SLTM: variants seen among roughly 807,000 people sequenced by gnomAD.
The protein encoded by SLTM is SAFB like transcription modulator, also known as SAFB-like transcription modulator.
In SLTM, 43 loss-of-function variants were observed where a neutral mutation model predicts 134.6. The ratio of observed to expected loss-of-function variants is 0.32; its 90% CI spans 0.25 to 0.41. The LOEUF (loss-of-function observed/expected upper bound fraction) is 0.41. Ranked by LOEUF, SLTM falls within the 10% of genes least tolerant of loss-of-function variation. The pLI is 1.00. For synonymous variants in SLTM, 424 were observed against 432.3 expected (o/e 0.98, Z 0.24); for missense variants, 1,055 against 1,288.8 (o/e 0.82, Z 2.78).
chr15:58,891,807 G>A (rs1378222211), intron 14 of SLTM, among the ~76,000 whole-genome samples: 3 of 151,794 alleles, frequency 2.0e-5, no homozygotes, highest in Non-Finnish European at 4.4e-5. Context: ...TGTTAGTATA[G>A]CTTAAGTATG....
chr15:58,915,694 G>C (rs545391537), intron 3 of SLTM, among the ~76,000 whole-genome samples: 1 of 152,114 alleles, frequency 6.6e-6, no homozygotes, highest in East Asian at 1.9e-4. Context: ...ACATCTTTTG[G>C]GGGTGGGGTT....
rs558564519 is a variant in SLTM, at chr15:58,933,299, A to G, written c.162+105T>C. On this transcript the variant is annotated intron_variant, in intron 1 of 20. Transcript: ENST00000380516. ...TGGCCTCCCTACCATGCCGTTCCGC[A>G]GGTCCCAGCGGCTGCGGGCAGCCGG... The G allele has an allele frequency of 2.3e-6, 3 of 1,288,266 alleles. No homozygotes were observed. In the African/African-American group the frequency reaches 4.7e-5, roughly 20 times the overall value. The allele number at this position is 1,288,266 out of a possible 1,614,324, so 79.8% of individuals were successfully genotyped here. A position where few individuals can be genotyped will look rare whatever the true frequency, so the allele number is the denominator to read the frequency against.
At chr15:58,893,728 T>C in intron 12 of SLTM, 93 bp downstream of exon 12, 1 of 1,354,898 alleles carries the variant, frequency 7.4e-7, no homozygotes, top group South Asian at 1.5e-5. Context: ...CAACAAAGCT[T>C]ATATCTGGAT....
chr15:58,898,076 C>A (rs1389521261), intron 8 of SLTM: 1 of 152,084 alleles, frequency 6.6e-6, no homozygotes, highest in Non-Finnish European at 1.5e-5. Flanking sequence ...ATTTCACATT[C>A]TTTTAAGCAA....
chr15:58,888,152 C>G (rs1305048811), intron 17 of SLTM, among the ~76,000 whole-genome samples: 2 of 151,580 alleles, frequency 1.3e-5, no homozygotes, highest in African/African-American at 4.9e-5. Context: ...GACCCTGTCT[C>G]AAAAAAAATT....
At chr15:58,911,989 A>T (rs190846980) in intron 5 of SLTM, among the ~76,000 whole-genome samples, 174 of 152,328 alleles carry the variant, frequency 1.1e-3, no homozygotes, top group Non-Finnish European at 2.0e-3. Context: ...ACTAGTAACC[A>T]GAGTTAGGTT....
chr15:58,889,074 C>T (rs1418828616), intron 16 of SLTM: 3 of 210,900 alleles, frequency 1.4e-5, no homozygotes, highest in Non-Finnish European at 2.9e-5. Flanking sequence ...TGAATCCAAA[C>T]ACACAATAGA....
At chr15:58,929,130 C>G (rs1028868857) in intron 2 of SLTM, among the ~76,000 whole-genome samples, 1 of 152,130 alleles carries the variant, frequency 6.6e-6, no homozygotes, top group Admixed American at 6.5e-5. Flanking sequence ...AAAACAAGAT[C>G]TGGCAAAAAG....
chr15:58,903,146 C>T (rs1032168186), intron 5 of SLTM, among the ~76,000 whole-genome samples: 3 of 151,720 alleles, frequency 2.0e-5, no homozygotes, highest in Middle Eastern at 3.4e-3. Flanking sequence ...GTGATCCACC[C>T]GCCTCAGCCT....
In SLTM at chr15:58,899,315, T is replaced by G. The variant is rs1449456812; in HGVS notation, c.1058+154A>C. On this transcript the variant is annotated intron_variant, in intron 7 of 20. Coordinates refer to ENST00000380516, the MANE Select transcript of SLTM (RefSeq NM_024755.4). The surrounding 1 kb of genome is among the most constrained non-coding windows in gnomAD (Gnocchi z 5.0). The stretch of plus-strand genomic sequence containing the variant: ...GCATTATTATGAAGATCTTGAAAAT[T>G]TTTAAAAGTAACTTATGACGGTCAA... 6.2e-6 allele frequency: 4 copies of G among 641,542 alleles called. No homozygotes were observed. The African/African-American group carries it at 7.3e-5, about 12-fold the overall frequency. The allele number at this position is 641,542 out of a possible 1,614,324, so 39.7% of individuals were successfully genotyped here.
intron 3 of SLTM, among the ~76,000 whole-genome samples, chr15:58,914,156 A>C (rs142510421): frequency 6.6e-6 from 1 of 152,236 alleles, no homozygotes. Context: ...CAAATAACTA[A>C]TTGAAATGTA....
intron 5 of SLTM, among the ~76,000 whole-genome samples, chr15:58,910,804 G>A (rs1482482676): frequency 6.7e-6 from 1 of 149,026 alleles, no homozygotes; most frequent in Non-Finnish European, 1.5e-5. Flanking sequence ...GAGTGTAGTG[G>A]CACAATCTCG....
At chr15:58,915,957 T>G (rs1362185515) in intron 3 of SLTM, among the ~76,000 whole-genome samples, 2 of 151,708 alleles carry the variant, frequency 1.3e-5, no homozygotes, top group African/African-American at 4.8e-5. Context: ...GTAGATCACT[T>G]TTCATTAAAA....
At chr15:58,931,010 C>T (rs1157645800) in intron 2 of SLTM, among the ~76,000 whole-genome samples, 3 of 152,078 alleles carry the variant, frequency 2.0e-5, no homozygotes, top group African/African-American at 7.2e-5. Flanking sequence ...GTCAAACTAG[C>T]ACAGCATGCT....
At chr15:58,883,493 G>T in intron 20 of SLTM, 133 bp downstream of exon 20, 2 of 1,157,042 alleles carry the variant, frequency 1.7e-6, no homozygotes, top group Non-Finnish European at 2.5e-6. Flanking sequence ...ACTACGGGTT[G>T]ATACAGGGAA....
At chr15:58,904,956 G>C (rs780308792) in intron 5 of SLTM, among the ~76,000 whole-genome samples, 2 of 152,052 alleles carry the variant, frequency 1.3e-5, no homozygotes, top group African/African-American at 2.4e-5. Flanking sequence ...TGATCCGCCT[G>C]CCTCGGCCTC....
chr15:58,881,403 T>G (rs1234400652), intron 20 of SLTM, among the ~76,000 whole-genome samples: 1 of 151,806 alleles, frequency 6.6e-6, no homozygotes, highest in African/African-American at 2.4e-5. Flanking sequence ...TGGCACACGC[T>G]GTTGTCCCAG....
chr15:58,916,858 A>C, intron 3 of SLTM, 77 bp downstream of exon 3: 1 of 1,321,564 alleles, frequency 7.6e-7, no homozygotes, highest in Non-Finnish European at 1.1e-6. Context: ...ACCATTGTTC[A>C]ACAAAAAGCA....
chr15:58,906,572 G>T (rs1426986407), intron 5 of SLTM, among the ~76,000 whole-genome samples: 1 of 152,126 alleles, frequency 6.6e-6, no homozygotes, highest in Non-Finnish European at 1.5e-5. Flanking sequence ...GTTATCTTAT[G>T]ATATCTGTAC....
Sources: allele counts gnomAD v4.1 joint callset (sites outside exome capture counted in the v4.1 genomes callset), GRCh38; gene constraint gnomAD v4.1.1; non-coding constraint Gnocchi (gnomAD v3.1); transcripts MANE v1.5; gene names NCBI Gene and HGNC (gene_info 2026-07-23, HGNC 2026-07-21).